The following EVI5 variants were observed in gnomAD, a reference collection of about 807,000 sequenced individuals.
The protein encoded by EVI5 is ecotropic viral integration site 5 protein homolog.
In EVI5, 73 loss-of-function variants were observed where a neutral mutation model predicts 112.0. The ratio of observed to expected loss-of-function variants is 0.65; its 90% CI spans 0.54 to 0.79. EVI5 has a LOEUF of 0.79. Among genes scored for constraint, EVI5 ranks in the 30% least tolerant of loss-of-function variants. EVI5 has a pLI of 0.00. For missense variants in EVI5, 900 were observed against 968.8 expected, an observed-to-expected ratio of 0.93 and a Z score of 0.94; for synonymous variants, 305 against 319.9, an observed-to-expected ratio of 0.95 and a Z score of 0.50.
At chr1:92,723,642 ATG>A (rs1421357282) in intron 2 of EVI5, among the ~76,000 whole-genome samples, 2 of 152,194 alleles carry the variant, frequency 1.3e-5, no homozygotes, top group Non-Finnish European at 1.5e-5. Flanking sequence ...ATTGTAAAAT[ATG>A]TGTGTTTGAA....
chr1:92,574,902 C>G (rs920645336), intron 18 of EVI5, among the ~76,000 whole-genome samples: 1 of 152,224 alleles, frequency 6.6e-6, no homozygotes, highest in Admixed American at 6.5e-5. Context: ...AGGAAGACAG[C>G]AGATTTTAAA....
rs1043342155 is a variant in EVI5 at position 92,704,186 on chromosome 1, C to T, written c.339+369G>A. On this transcript the variant is annotated intron_variant, in intron 3 of 19. Coordinates refer to ENST00000684568, the MANE Select transcript of EVI5 (RefSeq NM_001350197.2). ...AAAATTAGCGAGGTGTGGTGACACA[C>T]ACCTGTAATCATAGCTACTCAGGAG... Among the ~76,000 whole-genome samples the T allele has an allele frequency of 2.0e-5, 3 of 152,042 alleles. No homozygotes were observed. In the South Asian group the frequency reaches 6.2e-4, roughly 31 times the overall value.
chr1:92,621,443 C>T (rs1449537766), intron 16 of EVI5, among the ~76,000 whole-genome samples: 1 of 152,214 alleles, frequency 6.6e-6, no homozygotes, highest in Non-Finnish European at 1.5e-5. Flanking sequence ...TCCCGAATAG[C>T]TGGGACTACA....
chr1:92,710,903 C>T (rs922075804), intron 2 of EVI5, among the ~76,000 whole-genome samples: 2 of 152,122 alleles, frequency 1.3e-5, no homozygotes, highest in South Asian at 4.1e-4. Context: ...AAGTTGAGAA[C>T]AAGAAAATAT....
chr1:92,673,222 G>A (rs1258079119), intron 10 of EVI5, among the ~76,000 whole-genome samples: 1 of 137,132 alleles, frequency 7.3e-6, no homozygotes, highest in Non-Finnish European at 1.5e-5. Flanking sequence ...GCCAGGCAGT[G>A]AATATGTGAG....
At chr1:92,635,570 C>T (rs1280982132) in intron 14 of EVI5, among the ~76,000 whole-genome samples, 1 of 152,148 alleles carries the variant, frequency 6.6e-6, no homozygotes, top group Non-Finnish European at 1.5e-5. Flanking sequence ...TTCCAGGTGC[C>T]GTCCATCACC....
chr1:92,604,445 A>G (rs1649906662), intron 18 of EVI5, among the ~76,000 whole-genome samples: 1 of 152,134 alleles, frequency 6.6e-6, no homozygotes, highest in Admixed American at 6.5e-5. Flanking sequence ...CACTATCTTC[A>G]ACCTCCACAT....
intron 1 of EVI5, among the ~76,000 whole-genome samples, chr1:92,752,473 C>T (rs1680336842): frequency 6.6e-6 from 1 of 152,232 alleles, no homozygotes; most frequent in Admixed American, 6.5e-5. Context: ...CTCACTGCAC[C>T]CAGCCTAATG....
At chr1:92,670,822 C>CACATCCT (rs1665743802) in intron 10 of EVI5, among the ~76,000 whole-genome samples, 1 of 152,162 alleles carries the variant, frequency 6.6e-6, no homozygotes, top group South Asian at 2.1e-4. Flanking sequence ...CTCCCAAAAC[C>CACATCCT]ACATCCTACA....
rs186572642 is a variant in EVI5 at position 92,760,344 on chromosome 1, T to C, written c.-81-23717A>G. Among the ~76,000 whole-genome samples the C allele has an allele frequency of 1.7e-3, 260 of 151,632 alleles. 1 individual carries two copies. The highest frequency in any genetic ancestry group is 5.6e-3 in the African/African-American group (232 of 41,508). Reference sequence around the variant, plus strand: ...AGCTGACCTGGAGCCTAAAAGCATCTTTTTTTCTTTTTTCCTGTTCTGAAT... The same window carrying C: ...AGCTGACCTGGAGCCTAAAAGCATCCTTTTTTCTTTTTTCCTGTTCTGAAT... On this transcript the variant is annotated intron_variant, in intron 1 of 19. Coordinates refer to ENST00000684568, the MANE Select transcript of EVI5 (RefSeq NM_001350197.2).
At chr1:92,631,060 C>T (rs1656948655) in intron 14 of EVI5, among the ~76,000 whole-genome samples, 1 of 152,146 alleles carries the variant, frequency 6.6e-6, no homozygotes, top group African/African-American at 2.4e-5. Flanking sequence ...GGTACCAGTA[C>T]CATGCTGTTT....
chr1:92,734,057 G>C (rs912752829), intron 2 of EVI5, among the ~76,000 whole-genome samples: 1 of 152,134 alleles, frequency 6.6e-6, no homozygotes, highest in African/African-American at 2.4e-5. Flanking sequence ...GCATCATGGG[G>C]GCCGGAAAGT....
intron 18 of EVI5, among the ~76,000 whole-genome samples, chr1:92,597,789 T>C (rs1648249544): frequency 6.6e-6 from 1 of 152,244 alleles, no homozygotes; most frequent in Non-Finnish European, 1.5e-5. Context: ...CTGTGTGCAG[T>C]GGCTCACACC....
At position 92,692,434 on chromosome 1, in the gene EVI5, C is replaced by A. The variant is rs143764939; in HGVS notation, c.1097+1368G>T. ...GCGGCTTTTTGTCTATATGATGTCT[C>A]CACACATGGTAGTTATTTAAAACGT... On this transcript the variant is annotated intron_variant, in intron 9 of 19. Transcript: ENST00000684568. Among the ~76,000 whole-genome samples the A allele has an allele frequency of 1.5e-3, 225 of 152,286 alleles. 3 individuals carry two copies. The highest frequency in any genetic ancestry group is 5.2e-3 in the African/African-American group (218 of 41,558).
At chr1:92,602,656 C>G (rs1344376124) in intron 18 of EVI5, among the ~76,000 whole-genome samples, 1 of 152,160 alleles carries the variant, frequency 6.6e-6, no homozygotes, top group Non-Finnish European at 1.5e-5. Flanking sequence ...ATCCCCTGAC[C>G]TTGGCCTCTC....
chr1:92,649,544 A>G (rs903932477), intron 13 of EVI5, among the ~76,000 whole-genome samples: 5 of 152,196 alleles, frequency 3.3e-5, no homozygotes, highest in Non-Finnish European at 7.3e-5. Context: ...GGCTGAGCAC[A>G]GTGGCTTATG....
At chr1:92,703,932 CAAAAA>C (rs57830016) in intron 3 of EVI5, 8 of 82,018 alleles carry the variant, frequency 9.8e-5, no homozygotes, top group African/African-American at 1.6e-4. Flanking sequence ...CTGTTGAAGG[CAAAAA>C]AAAAAAAAAA....
rs1005424132 is a variant in EVI5, at chr1:92,714,217, A to G, written c.150-9473T>C. On this transcript the variant is annotated intron_variant, in intron 2 of 19. Transcript: ENST00000684568. ...TTTTTAAAAAGTAATAGCCGCAGTAAAACTATGAAAAGAAAAAAGTTTCTT... is the reference window on the plus strand; with the variant it reads ...TTTTTAAAAAGTAATAGCCGCAGTAGAACTATGAAAAGAAAAAAGTTTCTT... 4.0e-6 allele frequency: 3 copies of G among 755,044 alleles called. No homozygotes were observed. The East Asian group carries it at 3.9e-4, about 98-fold the overall frequency. 46.8% of individuals were successfully genotyped at this position (755,044 alleles called of 1,614,324 possible).
chr1:92,527,799 A>G (rs747755593), intron 19 of EVI5, among the ~76,000 whole-genome samples: 20 of 152,208 alleles, frequency 1.3e-4, no homozygotes, highest in Non-Finnish European at 2.1e-4. Flanking sequence ...GTTGGCATAT[A>G]GCATGGTAGC....
Sources: gnomAD v4.1 joint callset for allele counts (sites outside exome capture counted in the v4.1 genomes callset) on GRCh38, gnomAD v4.1.1 for gene constraint, MANE v1.5 for transcripts, NCBI Gene and HGNC (gene_info 2026-07-23, HGNC 2026-07-21) for gene names.